Variants in FUBP3 observed in about 807,000 individuals in gnomAD.
The protein encoded by FUBP3 is far upstream element-binding protein 3.
A neutral mutation model predicts 85.6 loss-of-function variants in FUBP3; 28 were observed. That is an observed-to-expected ratio of 0.33 (90% CI 0.24 to 0.45). The LOEUF is 0.45. FUBP3 is among the 20% of genes least tolerant of loss of function. The pLI, the probability that FUBP3 is intolerant of heterozygous loss-of-function variation, is 1.00. For missense variants in FUBP3, 583 were observed against 755.1 expected, an observed-to-expected ratio of 0.77 and a Z score of 2.67; for synonymous variants, 271 against 271.4, an observed-to-expected ratio of 1.00 and a Z score of 0.01.
chr9:130,630,531 A>G, intron 12 of FUBP3, 97 bp from the exon 13 acceptor site: 1 of 975,704 alleles, frequency 1.0e-6, no homozygotes, highest in Non-Finnish European at 1.5e-6. Context: ...ACGTGCACAA[A>G]ATCCCCCCGA....
chr9:130,604,991 A>G (rs1248427149), intron 2 of FUBP3, among the ~76,000 whole-genome samples: 1 of 152,174 alleles, frequency 6.6e-6, no homozygotes, highest in Non-Finnish European at 1.5e-5. Flanking sequence ...TAAAACACAT[A>G]TGTGACTGAA....
intron 2 of FUBP3, among the ~76,000 whole-genome samples, chr9:130,602,263 G>C (rs1009828268): frequency 6.6e-6 from 1 of 152,180 alleles, no homozygotes; most frequent in Non-Finnish European, 1.5e-5. Context: ...ATCCCTCATG[G>C]ATGAGGGGGA....
In FUBP3 at chr9:130,632,215, T is replaced by A; in HGVS notation, c.1447T>A (p.Phe483Ile). The A allele has an allele frequency of 6.2e-7, 1 of 1,613,970 alleles. No homozygotes were observed. Among genetic ancestry groups the A allele is most frequent in the Non-Finnish European group, 8.5e-7 (1 of 1,179,838 alleles). The stretch of plus-strand genomic sequence containing the variant: ...TGTTATCCACAGTGGTCCTCCGGCC[T>A]TTCTGACCCAGGGCTGGGGCAGCAC... ...HSTPVSGPPA[F>I]LTQGWGSTYQ... Residue 483 changes from phenylalanine (F) to isoleucine (I), a missense_variant, in exon 16 of 19, where the codon TTT (phenylalanine) becomes ATT (isoleucine). Around this residue, in one of 3 missense-constraint regions of FUBP3, gnomAD observed 404 missense variants for 516.8 expected, o/e 0.78. Coordinates refer to ENST00000319725, the MANE Select transcript of FUBP3 (RefSeq NM_003934.2).
chr9:130,632,327 C>A, intron 16 of FUBP3, 49 bp downstream of exon 16: 1 of 1,423,610 alleles, frequency 7.0e-7, no homozygotes, highest in African/African-American at 1.4e-5. Flanking sequence ...AGGTTGCGGC[C>A]CACAGAAGTC....
intron 1 of FUBP3, among the ~76,000 whole-genome samples, chr9:130,584,234 A>G (rs1830248927): frequency 6.6e-6 from 1 of 152,060 alleles, no homozygotes; most frequent in South Asian, 2.1e-4. Context: ...CTTAAAAACT[A>G]GAGTGATTTT....
At chr9:130,588,916 C>T (rs1830465606) in intron 1 of FUBP3, among the ~76,000 whole-genome samples, 1 of 152,184 alleles carries the variant, frequency 6.6e-6, no homozygotes, top group African/African-American at 2.4e-5. Context: ...ACCTTTCTCC[C>T]AGGCAGGACC....
intron 9 of FUBP3, 59 bp downstream of exon 9, chr9:130,620,517 A>G (rs1829703381): frequency 2.4e-6 from 2 of 816,370 alleles, no homozygotes; most frequent in Non-Finnish European, 2.0e-6. Flanking sequence ...TGTAGGTCAC[A>G]CTTTTGTTAG....
rs553496776 is a variant in FUBP3, at chr9:130,595,281, A to T, written c.85-202A>T. On this transcript the variant is annotated intron_variant, in intron 1 of 18. Coordinates refer to ENST00000319725, the MANE Select transcript of FUBP3 (RefSeq NM_003934.2). ...TTTCTGGTAGAGACACATTTTTGAA[A>T]GTACTAAAGACAAGTTATTATTAAG... Among the ~76,000 whole-genome samples, 6 of 152,172 alleles carry T rather than the reference A, an allele frequency of 3.9e-5. No individual in the cohort carries two copies. In the East Asian group the frequency reaches 1.2e-3, roughly 29 times the overall value.
chr9:130,607,635 C>T (rs1326220319), intron 2 of FUBP3, among the ~76,000 whole-genome samples: 1 of 152,114 alleles, frequency 6.6e-6, no homozygotes, highest in Non-Finnish European at 1.5e-5. Flanking sequence ...GGTTCCTGTT[C>T]CTGGAGTTGG....
At chr9:130,582,458 AAAAAAG>A (rs59463091) in intron 1 of FUBP3, among the ~76,000 whole-genome samples, 22,260 of 150,846 alleles carry the variant, frequency 0.15, 1,696 homozygotes, top group Admixed American at 0.2. Context: ...CTCAAAAAAA[AAAAAAG>A]AAAAAGAAAA....
intron 2 of FUBP3, among the ~76,000 whole-genome samples, chr9:130,603,325 C>A (rs1422658730): frequency 1.6e-5 from 2 of 126,916 alleles, no homozygotes; most frequent in Admixed American, 1.9e-4. Flanking sequence ...CCAGCCTGGG[C>A]GACAGAGCAA....
intron 1 of FUBP3, among the ~76,000 whole-genome samples, chr9:130,594,421 A>G (rs181723134): frequency 3.2e-3 from 491 of 151,860 alleles, no homozygotes; most frequent in Middle Eastern, 6.8e-3. Context: ...TGTCTCTACT[A>G]AAAATACAAA....
intron 12 of FUBP3, among the ~76,000 whole-genome samples, chr9:130,628,830 C>T (rs993930737): frequency 3.1e-4 from 47 of 152,176 alleles, no homozygotes; most frequent in East Asian, 9.7e-4. Flanking sequence ...AGTGCAGTGG[C>T]GTGATCATGG....
At position 130,623,708 on chromosome 9, in the gene FUBP3, C is replaced by A; in HGVS notation, c.972C>A (p.Ala324=). 6.2e-7 allele frequency: 1 copy of A among 1,603,562 alleles called. No individual in the cohort carries two copies. The highest frequency in any genetic ancestry group is 8.5e-7 in the Non-Finnish European group (1 of 1,170,814). The part of the protein sequence containing the change: ...AHIISELILT[A]QERDGFGGLA... ...TCATCAGCGAGCTGATTCTTACAGC[C>A]CAGGTGGGTCCAGCTCTGCAGAGTG... The change falls in exon 11 of 19, where the codon GCC becomes GCA. Residue 324 remains alanine, a synonymous_variant. Coordinates refer to ENST00000319725, the MANE Select transcript of FUBP3 (RefSeq NM_003934.2).
Position 130,617,601 on chromosome 9 carries a change from G to A in FUBP3, c.568-196G>A, listed in dbSNP as rs867665373. Among the ~76,000 whole-genome samples the A allele has an allele frequency of 2.6e-5, 4 of 152,324 alleles. No individual in the cohort carries two copies. In the South Asian group the frequency reaches 8.3e-4, roughly 32 times the overall value. On this transcript the variant is annotated intron_variant, in intron 7 of 18. Coordinates refer to ENST00000319725, the MANE Select transcript of FUBP3 (RefSeq NM_003934.2). ...ATTTTAGGAGATGGTTTTACATCTC[G>A]CATTTGGACATGGTCGTACCCGACC...
rs1013341545 is a variant in FUBP3 at position 130,622,891 on chromosome 9, C to T, written c.874+81C>T. 1.9e-5 allele frequency: 12 copies of T among 633,112 alleles called. No homozygotes were observed. The African/African-American group carries it at 2.3e-4, about 12-fold the overall frequency. 39.2% of individuals were successfully genotyped at this position (633,112 alleles called of 1,614,324 possible). A position where few individuals can be genotyped will look rare whatever the true frequency, so the allele number is the denominator to read the frequency against. ...GTTAAAAGGATGATAAAACACCTTA[C>T]AAAACAAGGGCTTGGCTATTGGTTC... On this transcript the variant is annotated intron_variant, in intron 10 of 18. Transcript: ENST00000319725.
chr9:130,606,055 T>C (rs1488435895), intron 2 of FUBP3, among the ~76,000 whole-genome samples: 1 of 152,180 alleles, frequency 6.6e-6, no homozygotes, highest in Non-Finnish European at 1.5e-5. Context: ...TTTTAAAAAA[T>C]AATTTGCAAA....
At chr9:130,585,392 C>T (rs753237859) in intron 1 of FUBP3, among the ~76,000 whole-genome samples, 11 of 152,098 alleles carry the variant, frequency 7.2e-5, no homozygotes, top group Non-Finnish European at 1.3e-4. Context: ...GAGTCAGTCG[C>T]CTCTGGTTTT....
intron 12 of FUBP3, among the ~76,000 whole-genome samples, chr9:130,627,916 G>A (rs932371225): frequency 7.9e-5 from 12 of 152,246 alleles, no homozygotes; most frequent in African/African-American, 1.7e-4. Context: ...GCAGCCCCTC[G>A]TAGTTGGTCC....
Sources: gnomAD v4.1 joint callset for allele counts (sites outside exome capture counted in the v4.1 genomes callset) on GRCh38, gnomAD v4.1.1 for gene constraint, gnomAD v4.1.1 regional missense constraint, MANE v1.5 for transcripts, NCBI Gene and HGNC (gene_info 2026-07-23, HGNC 2026-07-21) for gene names.